Variants in GPRC6A observed in about 807,000 individuals in gnomAD.
GPRC6A encodes the protein G protein-coupled receptor class C group 6 member A.
A neutral mutation model predicts 47.0 loss-of-function variants in GPRC6A; 54 were observed. That is an observed-to-expected ratio of 1.15 (90% CI 0.92 to 1.44). The LOEUF is 1.44. GPRC6A is among the 40% of genes most tolerant of loss of function. GPRC6A has a pLI of 0.00. For missense variants in GPRC6A, 1,112 were observed against 1,105.5 expected (o/e 1.01, Z -0.08); for synonymous variants, 347 against 377.1 (o/e 0.92, Z 0.93).
chr6:116,800,364 T>TCTCC (rs1341121132), intron 4 of GPRC6A, among the ~76,000 whole-genome samples: 4 of 141,640 alleles, frequency 2.8e-5, no homozygotes, highest in African/African-American at 5.2e-5. Context: ...TCTTTCTCTC[T>TCTCC]CTCCCTCCCT....
Position 116,818,532 on chromosome 6 carries a change from T to TCAAAAAAAAAAAAAAAAAAAAAAA in GPRC6A, c.195-8916_195-8915insTTTTTTTTTTTTTTTTTTTTTTTG, listed in dbSNP as rs1554263527. ...CTGGGCGACAGAGCGAGACTCCGTC[T>TCAAAAAAAAAAAAAAAAAAAAAAA]AAAAAAAAAAAAAAAAAAAAAAAAA... On this transcript the variant is annotated intron_variant, in intron 1 of 5. Coordinates refer to ENST00000310357, the MANE Select transcript of GPRC6A (RefSeq NM_148963.4). Among the ~76,000 whole-genome samples the TCAAAAAAAAAAAAAAAAAAAAAAA allele has an allele frequency of 1.3e-4, 2 of 15,504 alleles. 1 individual carries two copies. Among genetic ancestry groups the TCAAAAAAAAAAAAAAAAAAAAAAA allele is most frequent in the Admixed American group, 1.7e-3 (2 of 1,188 alleles). 10.2% of individuals were successfully genotyped at this position (15,504 alleles called of 152,430 possible).
intron 1 of GPRC6A, among the ~76,000 whole-genome samples, chr6:116,826,091 A>T (rs1398712596): frequency 6.6e-6 from 1 of 151,938 alleles, no homozygotes; most frequent in Non-Finnish European, 1.5e-5. Context: ...CAAAACTATT[A>T]GAGGAAAACA....
At chr6:116,814,228 A>G (rs886849434) in intron 1 of GPRC6A, among the ~76,000 whole-genome samples, 1 of 152,230 alleles carries the variant, frequency 6.6e-6, no homozygotes, top group African/African-American at 2.4e-5. Flanking sequence ...TGGAATTATC[A>G]TTTGACCTAG....
intron 5 of GPRC6A, among the ~76,000 whole-genome samples, chr6:116,795,053 G>T (rs1772433614): frequency 6.6e-6 from 1 of 152,094 alleles, no homozygotes; most frequent in African/African-American, 2.4e-5. Context: ...TAACTCCAGG[G>T]AAAGTGCTCA....
rs192310281 is a variant in GPRC6A at position 116,797,572 on chromosome 6, G to T, written c.1549-1737C>A. Among the ~76,000 whole-genome samples, 1,486 of 152,234 alleles carry T rather than the reference G, an allele frequency of 9.8e-3. 11 individuals are homozygous for T. The highest frequency in any genetic ancestry group is 0.016 in the Non-Finnish European group (1,058 of 68,010). On this transcript the variant is annotated intron_variant, in intron 4 of 5. Transcript: ENST00000310357. ...GTGTCTCCATCAGAAAGGAAGACTT[G>T]TCTCTCTGTTTGTAGTGGTCAGCCT... is the stretch of plus-strand genomic sequence containing the variant.
At chr6:116,801,373 C>T (rs1293928361) in intron 3 of GPRC6A, among the ~76,000 whole-genome samples, 1 of 152,110 alleles carries the variant, frequency 6.6e-6, no homozygotes, top group Non-Finnish European at 1.5e-5. Flanking sequence ...ATTTTGTTTA[C>T]AAATGGGATA....
chr6:116,816,197 C>T (rs905659084), intron 1 of GPRC6A, among the ~76,000 whole-genome samples: 42 of 152,162 alleles, frequency 2.8e-4, no homozygotes, highest in Non-Finnish European at 2.4e-4. Flanking sequence ...CTCAAAAGTC[C>T]GAAGTCCAAA....
At chr6:116,800,559 A>C in intron 4 of GPRC6A, 25 bp downstream of exon 4, 1 of 1,528,020 alleles carries the variant, frequency 6.5e-7, no homozygotes, top group Non-Finnish European at 9.1e-7. Context: ...TTTGAGTGCT[A>C]CAAAACGGCC....
intron 1 of GPRC6A, among the ~76,000 whole-genome samples, chr6:116,821,714 A>G (rs1448925174): frequency 2.0e-5 from 3 of 152,034 alleles, no homozygotes; most frequent in Non-Finnish European, 4.4e-5. Context: ...TCAATTCAAC[A>G]TGGATTAAAG....
chr6:116,796,057 T>C (rs772183911), intron 4 of GPRC6A, among the ~76,000 whole-genome samples: 6 of 152,154 alleles, frequency 3.9e-5, no homozygotes, highest in Non-Finnish European at 5.9e-5. Context: ...TAATAACTTC[T>C]GTAAGCAAAT....
chr6:116,809,673 CTG>C, intron 1 of GPRC6A, 56 bp from the exon 2 acceptor site: 1 of 1,278,932 alleles, frequency 7.8e-7, no homozygotes, highest in Admixed American at 1.9e-5. Flanking sequence ...ATGGACATGG[CTG>C]TATCTCATTT....
intron 1 of GPRC6A, among the ~76,000 whole-genome samples, chr6:116,815,747 C>A (rs1327272545): frequency 6.6e-6 from 1 of 152,064 alleles, no homozygotes; most frequent in Admixed American, 6.6e-5. Context: ...AGAAATTAAA[C>A]CACATGCTTC....
intron 1 of GPRC6A, among the ~76,000 whole-genome samples, chr6:116,825,309 G>A (rs1428771276): frequency 6.6e-6 from 1 of 152,020 alleles, no homozygotes; most frequent in Non-Finnish European, 1.5e-5. Flanking sequence ...CCTCTTTGCA[G>A]TTGATATTAT....
intron 1 of GPRC6A, among the ~76,000 whole-genome samples, chr6:116,821,873 A>C (rs1163969714): frequency 1.3e-5 from 2 of 150,960 alleles, no homozygotes; most frequent in Admixed American, 6.6e-5. Context: ...ATCTAATTAA[A>C]GTAAAGAGCT....
At chr6:116,796,379 T>C (rs1044422775) in intron 4 of GPRC6A, among the ~76,000 whole-genome samples, 17 of 152,172 alleles carry the variant, frequency 1.1e-4, no homozygotes, top group African/African-American at 3.9e-4. Flanking sequence ...GGCCTAAATA[T>C]ATACTATTTA....
At chr6:116,825,352 A>T (rs181525423) in intron 1 of GPRC6A, among the ~76,000 whole-genome samples, 2 of 152,206 alleles carry the variant, frequency 1.3e-5, no homozygotes, top group Non-Finnish European at 2.9e-5. Context: ...GACTCCACAA[A>T]AATCCTCTTA....
chr6:116,824,100 G>A (rs566480775), intron 1 of GPRC6A, among the ~76,000 whole-genome samples: 277 of 152,082 alleles, frequency 1.8e-3, no homozygotes, highest in Admixed American at 2.9e-3. Context: ...TACAGCAAAA[G>A]CAGTACTAAG....
intron 2 of GPRC6A, among the ~76,000 whole-genome samples, chr6:116,808,496 T>C (rs1772924316): frequency 6.6e-6 from 1 of 152,150 alleles, no homozygotes; most frequent in Admixed American, 6.6e-5. Context: ...TTATTACCGA[T>C]GTCACTAGGC....
intron 1 of GPRC6A, among the ~76,000 whole-genome samples, chr6:116,825,937 C>A (rs967865037): frequency 3.3e-5 from 5 of 151,776 alleles, no homozygotes; most frequent in Admixed American, 6.6e-5. Flanking sequence ...AGCCAAGAAC[C>A]TATTCAGGGG....
Sources: gnomAD v4.1 joint callset for allele counts (sites outside exome capture counted in the v4.1 genomes callset) on GRCh38, gnomAD v4.1.1 for gene constraint, MANE v1.5 for transcripts, NCBI Gene and HGNC (gene_info 2026-07-23, HGNC 2026-07-21) for gene names.